RFX2: variants seen among roughly 807,000 people sequenced by gnomAD.
The protein encoded by RFX2 is regulatory factor X2.
Under a neutral mutation model 87.8 loss-of-function variants are expected in RFX2, and 20 were observed. The observed-to-expected ratio is 0.23, with a 90% CI of 0.16 to 0.33. The LOEUF (loss-of-function observed/expected upper bound fraction) is 0.33. Ranked by LOEUF, RFX2 falls within the 10% of genes least tolerant of loss-of-function variation. The probability of loss-of-function intolerance (pLI) is 1.00; values close to 1 mark genes in which losing one functional copy is unlikely to be tolerated. For missense variants in RFX2, 767 were observed against 1,012.3 expected (o/e 0.76, Z 3.29); for synonymous variants, 397 against 431.3 (o/e 0.92, Z 0.98).
intron 7 of RFX2, among the ~76,000 whole-genome samples, chr19:6,014,468 ACCT>A (rs1176819502): frequency 6.6e-6 from 1 of 152,108 alleles, no homozygotes; most frequent in African/African-American, 2.4e-5. Flanking sequence ...TGAACTCCTG[ACCT>A]CAAGTGATCC....
At chr19:6,080,581 T>G (rs1185539925) in intron 1 of RFX2, among the ~76,000 whole-genome samples, 1 of 152,202 alleles carries the variant, frequency 6.6e-6, no homozygotes. Flanking sequence ...TAGCCAGTTA[T>G]GGGTGGCACT....
chr19:6,044,258 A>G lies in RFX2; in HGVS notation c.115T>C (p.Ser39Pro). The change falls in exon 3 of 18, where the codon TCC becomes CCC. Residue 39 changes from serine (S) to proline (P), a missense_variant. Physicochemically the swap from Ser to Pro is moderately conservative, Grantham distance 74. This residue lies in a region of RFX2 where 146 missense variants were observed against 139.2 expected (regional missense o/e 1.05). Transcript: ENST00000303657. This position sits in a 1 kb window ranked among gnomAD's most constrained non-coding sequence, Gnocchi z 5.3. ...TGCATCTGGGCCCCTTTGGGATTGG[A>G]GCTGGCTGCCTGGACCAACACCCTC... ...PQRVLVQAASSNPKGAQMQPI... is the reference protein window; with the variant it reads ...PQRVLVQAASPNPKGAQMQPI... The G allele has an allele frequency of 6.4e-7, 1 of 1,570,580 alleles. No individual in the cohort carries two copies. The highest frequency in any genetic ancestry group is 8.6e-7 in the Non-Finnish European group (1 of 1,158,504).
chr19:6,082,873 G>C (rs7507719), intron 1 of RFX2, among the ~76,000 whole-genome samples: 4,881 of 152,266 alleles, frequency 0.032, 94 homozygotes, highest in Non-Finnish European at 0.048. Flanking sequence ...CTGGGGCAAA[G>C]AGGAAAAAGA....
intron 1 of RFX2, among the ~76,000 whole-genome samples, chr19:6,098,372 C>T (rs572945875): frequency 6.6e-6 from 1 of 152,160 alleles, no homozygotes; most frequent in Admixed American, 6.5e-5. Context: ...ACCGAGACAG[C>T]GCAGTGGGTG....
intron 1 of RFX2, among the ~76,000 whole-genome samples, chr19:6,105,676 G>C (rs1446016249): frequency 6.6e-6 from 1 of 152,166 alleles, no homozygotes; most frequent in African/African-American, 2.4e-5. Context: ...GCTGGTGGCT[G>C]GGACCAGAGG....
At chr19:6,099,221 A>G (rs1002402532) in intron 1 of RFX2, among the ~76,000 whole-genome samples, 2 of 152,184 alleles carry the variant, frequency 1.3e-5, no homozygotes, top group Admixed American at 1.3e-4. Context: ...GGGCTGGGAC[A>G]TAGAATTCGG....
chr19:6,007,624 C>G lies in RFX2; in HGVS notation c.1247+66G>C. On this transcript the variant is annotated intron_variant, in intron 11 of 17. Coordinates refer to ENST00000303657, the MANE Select transcript of RFX2 (RefSeq NM_000635.4). The surrounding 1 kb of genome is among the most constrained non-coding windows in gnomAD (Gnocchi z 8.2). The stretch of plus-strand genomic sequence containing the variant: ...AGCTGAGGCTTTCGTTTGTGGGTTA[C>G]CTGTGGACGTCAGCAGGGGGTTAAG... 1 of 914,580 alleles carries G rather than the reference C, an allele frequency of 1.1e-6. No homozygotes were observed. The highest frequency in any genetic ancestry group is 1.6e-5 in the African/African-American group (1 of 60,946). 56.7% of individuals were successfully genotyped at this position (914,580 alleles called of 1,614,324 possible). A position where few individuals can be genotyped will look rare whatever the true frequency, so the allele number is the denominator to read the frequency against.
In RFX2 at chr19:6,024,968, C is replaced by CGGGATCACGGTGAGGACGGGAGTCAGGAT. The variant is rs2086867902; in HGVS notation, c.597+1194_597+1195insATCCTGACTCCCGTCCTCACCGTGATCCC. ...ATCACGGTGAGGACGGGAGTCAGGA[C>CGGGATCACGGTGAGGACGGGAGTCAGGAT]GGGATCACGGTGATGACTGGGGTCC... On this transcript the variant is annotated intron_variant, in intron 6 of 17. Transcript: ENST00000303657. This position sits in a 1 kb window ranked among gnomAD's most constrained non-coding sequence, Gnocchi z 5.0. Among the ~76,000 whole-genome samples the CGGGATCACGGTGAGGACGGGAGTCAGGAT allele has an allele frequency of 1.3e-5, 2 of 151,200 alleles. No individual in the cohort carries two copies. Among genetic ancestry groups the CGGGATCACGGTGAGGACGGGAGTCAGGAT allele is most frequent in the Admixed American group, 6.6e-5 (1 of 15,182 alleles).
At position 5,998,218 on chromosome 19, in the gene RFX2, A is replaced by C. The variant is rs1267029935; in HGVS notation, c.1860-1005T>G. ...AGCTACTCGGGAGGCTAAGGCAGGA[A>C]AATTGCTTGAACCTGGGAGGCGGAG... On this transcript the variant is annotated intron_variant, in intron 15 of 17. Transcript: ENST00000303657. This position sits in a 1 kb window ranked among gnomAD's most constrained non-coding sequence, Gnocchi z 4.2. Among the ~76,000 whole-genome samples the C allele has an allele frequency of 6.6e-6, 1 of 152,140 alleles. No homozygotes were observed. Among genetic ancestry groups the C allele is most frequent in the South Asian group, 2.1e-4 (1 of 4,828 alleles).
rs760187138 is a variant in RFX2, at chr19:6,044,179, G to T, written c.180+14C>A. ...GCGCCCCGGTTTGCACGGTGCTGCGGTGCTTGTCATTACCTGCTGGGGTAC... is the reference window on the plus strand; with the variant it reads ...GCGCCCCGGTTTGCACGGTGCTGCGTTGCTTGTCATTACCTGCTGGGGTAC... On this transcript the variant is annotated intron_variant, in intron 3 of 17. Transcript: ENST00000303657. The surrounding 1 kb of genome is among the most constrained non-coding windows in gnomAD (Gnocchi z 5.3). The T allele has an allele frequency of 3.9e-6, 6 of 1,522,376 alleles. No homozygotes were observed. In the African/African-American group the frequency reaches 6.9e-5, roughly 18 times the overall value. The allele number at this position is 1,522,376 out of a possible 1,614,324, so 94.3% of individuals were successfully genotyped here. A position where few individuals can be genotyped will look rare whatever the true frequency, so the allele number is the denominator to read the frequency against.
rs146114713 is a variant in RFX2 at position 6,011,663 on chromosome 19, C to T, written c.899+1323G>A. ...CTCCAGAGTCCATGTCTGCAGACAA[C>T]GAGGTACAGAAGGAATGCTCTGGAA... On this transcript the variant is annotated intron_variant, in intron 8 of 17. Coordinates refer to ENST00000303657, the MANE Select transcript of RFX2 (RefSeq NM_000635.4). The surrounding 1 kb of genome is among the most constrained non-coding windows in gnomAD (Gnocchi z 4.8). Among the ~76,000 whole-genome samples the T allele has an allele frequency of 5.7e-3, 871 of 152,324 alleles. 6 individuals carry two copies. The highest frequency in any genetic ancestry group is 0.02 in the African/African-American group (831 of 41,564).
chr19:6,048,538 T>C (rs1211141150), intron 1 of RFX2, among the ~76,000 whole-genome samples: 1 of 152,142 alleles, frequency 6.6e-6, no homozygotes, highest in Non-Finnish European at 1.5e-5. Context: ...GGCACCAGCT[T>C]TGAGCATGTC....
chr19:6,109,792 A>G (rs1168809636), intron 1 of RFX2, among the ~76,000 whole-genome samples: 1 of 150,726 alleles, frequency 6.6e-6, no homozygotes, highest in Non-Finnish European at 1.5e-5. Flanking sequence ...TCTGGGGAGT[A>G]AAAGTGAGGA....
At chr19:6,079,157 T>C (rs980807855) in intron 1 of RFX2, among the ~76,000 whole-genome samples, 2 of 152,240 alleles carry the variant, frequency 1.3e-5, no homozygotes, top group African/African-American at 4.8e-5. Context: ...TACCAAACTG[T>C]AATCCTGTAA....
At position 6,056,360 on chromosome 19, in the gene RFX2, G is replaced by A. The variant is rs192870593; in HGVS notation, c.-8-8856C>T. Reference sequence around the variant, plus strand: ...GGATGTTTGAAATTTCCATGATAAGGAGTTAAACAAACACACACACAAGAC... The same window carrying A: ...GGATGTTTGAAATTTCCATGATAAGAAGTTAAACAAACACACACACAAGAC... On this transcript the variant is annotated intron_variant, in intron 1 of 17. Transcript: ENST00000303657. The surrounding 1 kb of genome is among the most constrained non-coding windows in gnomAD (Gnocchi z 4.6). 1.1e-4 allele frequency among the ~76,000 whole-genome samples: 16 copies of A among 152,272 alleles called. No homozygotes were observed. Among genetic ancestry groups the A allele is most frequent in the African/African-American group, 3.8e-4 (16 of 41,560 alleles).
In RFX2 at chr19:6,039,140, C is replaced by T. The variant is rs1383134983; in HGVS notation, c.522+840G>A. On this transcript the variant is annotated intron_variant, in intron 5 of 17. Transcript: ENST00000303657. This position sits in a 1 kb window ranked among gnomAD's most constrained non-coding sequence, Gnocchi z 5.2. ...AATATTACTCAGTAACAAAAAAAAGCAACTCGGATTCATGCAGCAACTTGA... is the reference window on the plus strand; with the variant it reads ...AATATTACTCAGTAACAAAAAAAAGTAACTCGGATTCATGCAGCAACTTGA... Among the ~76,000 whole-genome samples, 1 of 152,098 alleles carries T rather than the reference C, an allele frequency of 6.6e-6. No individual in the cohort carries two copies.
chr19:6,098,403 G>A (rs538753527), intron 1 of RFX2, among the ~76,000 whole-genome samples: 119 of 152,166 alleles, frequency 7.8e-4, no homozygotes, highest in African/African-American at 2.8e-3. Context: ...AATAACACCT[G>A]TAAAGAGGCC....
Position 5,997,946 on chromosome 19 carries a change from C to T in RFX2, c.1860-733G>A, listed in dbSNP as rs1014075950. Among the ~76,000 whole-genome samples, 1 of 152,116 alleles carries T rather than the reference C, an allele frequency of 6.6e-6. No individual in the cohort carries two copies. Among genetic ancestry groups the T allele is most frequent in the Non-Finnish European group, 1.5e-5 (1 of 68,008 alleles). On this transcript the variant is annotated intron_variant, in intron 15 of 17. Transcript: ENST00000303657. The surrounding 1 kb of genome is among the most constrained non-coding windows in gnomAD (Gnocchi z 4.2). ...CATGCCCGTTCCTATGTTGTCTTTC[C>T]TAGGATGGCTGCAAATACTACCTGG...
chr19:6,085,183 T>G (rs1018934146), intron 1 of RFX2, among the ~76,000 whole-genome samples: 9 of 152,184 alleles, frequency 5.9e-5, no homozygotes, highest in African/African-American at 2.2e-4. Context: ...CCTGTCTGAG[T>G]GTACAAATAC....
Sources: gnomAD v4.1 joint callset for allele counts (sites outside exome capture counted in the v4.1 genomes callset) on GRCh38, gnomAD v4.1.1 for gene constraint, gnomAD v4.1.1 regional missense constraint, Gnocchi (gnomAD v3.1) non-coding constraint, MANE v1.5 for transcripts, NCBI Gene and HGNC (gene_info 2026-07-23, HGNC 2026-07-21) for gene names.